CTNND2: variants seen among roughly 807,000 people sequenced by gnomAD.
CTNND2 encodes the protein catenin delta 2.
Under a neutral mutation model 144.4 loss-of-function variants are expected in CTNND2, and 22 were observed. The observed-to-expected ratio is 0.15, with a 90% CI of 0.11 to 0.22. The LOEUF (loss-of-function observed/expected upper bound fraction) is 0.22, where lower values mean the gene tolerates loss of function less well. Ranked by LOEUF, CTNND2 falls within the 10% of genes least tolerant of loss-of-function variation. The pLI is 1.00. For missense variants in CTNND2, 1,353 were observed against 1,618.8 expected (o/e 0.84, Z 2.82); for synonymous variants, 751 against 695.6 (o/e 1.08, Z -1.25).
chr5:11,623,585 C>T (rs999090296), intron 2 of CTNND2, among the ~76,000 whole-genome samples: 1 of 151,486 alleles, frequency 6.6e-6, no homozygotes, highest in African/African-American at 2.4e-5. Context: ...GACTAATACA[C>T]CCATCTCACA....
At chr5:11,563,332 A>AT (rs1212240459) in intron 3 of CTNND2, among the ~76,000 whole-genome samples, 1 of 152,268 alleles carries the variant, frequency 6.6e-6, no homozygotes, top group Non-Finnish European at 1.5e-5. Flanking sequence ...AATGGTGCAT[A>AT]TGGACCTATA....
At chr5:11,873,527 G>A (rs900099303) in intron 1 of CTNND2, among the ~76,000 whole-genome samples, 5 of 152,122 alleles carry the variant, frequency 3.3e-5, no homozygotes, top group African/African-American at 1.2e-4. Flanking sequence ...TTTATTGACC[G>A]TCTGTGAGTT....
chr5:11,866,256 TTTTG>T, intron 1 of CTNND2, among the ~76,000 whole-genome samples: 1 of 152,186 alleles, frequency 6.6e-6, no homozygotes, highest in South Asian at 2.1e-4. Flanking sequence ...TGAGCTATGA[TTTTG>T]CCACTGCACT....
intron 3 of CTNND2, among the ~76,000 whole-genome samples, chr5:11,446,263 G>A (rs527566577): frequency 2.6e-5 from 4 of 152,122 alleles, no homozygotes; most frequent in Admixed American, 6.5e-5. Context: ...GTGAGTCACC[G>A]TGCCCAGTAC....
chr5:11,672,142 C>CAGCAAAGA (rs1323228985), intron 2 of CTNND2, among the ~76,000 whole-genome samples: 1 of 152,200 alleles, frequency 6.6e-6, no homozygotes. Context: ...CTGCCTGTTC[C>CAGCAAAGA]TCCCTCTGGA....
intron 9 of CTNND2, among the ~76,000 whole-genome samples, chr5:11,272,978 A>C (rs945740189): frequency 2.0e-5 from 3 of 152,138 alleles, no homozygotes; most frequent in African/African-American, 7.2e-5. Flanking sequence ...GGGAACACTA[A>C]CTTTGAAGAC....
chr5:11,165,749 T>C (rs1294117183), intron 11 of CTNND2, among the ~76,000 whole-genome samples: 4 of 152,230 alleles, frequency 2.6e-5, no homozygotes, highest in Non-Finnish European at 5.9e-5. Flanking sequence ...TCCATATTCA[T>C]GAGCAATGAT....
intron 16 of CTNND2, among the ~76,000 whole-genome samples, chr5:11,052,038 C>T (rs141498627): frequency 1.5e-4 from 23 of 152,176 alleles, no homozygotes; most frequent in Admixed American, 1.3e-3. Flanking sequence ...TCAAGCGGGC[C>T]GGGGCTTGGT....
intron 3 of CTNND2, among the ~76,000 whole-genome samples, chr5:11,469,453 A>G (rs1296887096): frequency 6.6e-6 from 1 of 152,198 alleles, no homozygotes; most frequent in Non-Finnish European, 1.5e-5. Flanking sequence ...TTCAGCACAG[A>G]AAGGCATAAC....
At chr5:11,178,477 G>A (rs1359264997) in intron 11 of CTNND2, among the ~76,000 whole-genome samples, 1 of 152,168 alleles carries the variant, frequency 6.6e-6, no homozygotes, top group Non-Finnish European at 1.5e-5. Context: ...TACTCTTAAG[G>A]AGCTTATAGG....
intron 2 of CTNND2, among the ~76,000 whole-genome samples, chr5:11,572,326 C>T (rs991823304): frequency 4.6e-5 from 7 of 152,158 alleles, no homozygotes; most frequent in African/African-American, 1.7e-4. Flanking sequence ...AAGTCCCATA[C>T]TTCAGGTTTC....
rs370675620 is a variant in CTNND2 at position 11,672,498 on chromosome 5, G to C, written c.174+59638C>G. On this transcript the variant is annotated intron_variant, in intron 2 of 21. Transcript: ENST00000304623. ...GCCTTGCCCAGCAAGGAGAAATCTA[G>C]ACATGTGGTTCACCTTGCTGAGCTA... Among the ~76,000 whole-genome samples, 15 of 152,274 alleles carry C rather than the reference G, an allele frequency of 9.9e-5. No homozygotes were observed. In the East Asian group the frequency reaches 2.3e-3, roughly 24 times the overall value.
chr5:11,072,253 C>T (rs1298061526), intron 16 of CTNND2, among the ~76,000 whole-genome samples: 1 of 152,182 alleles, frequency 6.6e-6, no homozygotes, highest in Admixed American at 6.5e-5. Flanking sequence ...CTTAGTGAGC[C>T]TTAATTGAAA....
At position 11,679,066 on chromosome 5, in the gene CTNND2, G is replaced by A. The variant is rs540606664; in HGVS notation, c.174+53070C>T. ...ACTTTTGTTTTTCAGCATCCCTTTC[G>A]TTCTCATGGGGGACTCTGACTGGCC... On this transcript the variant is annotated intron_variant, in intron 2 of 21. Coordinates refer to ENST00000304623, the MANE Select transcript of CTNND2 (RefSeq NM_001332.4). Among the ~76,000 whole-genome samples, 143 of 151,912 alleles carry A rather than the reference G, an allele frequency of 9.4e-4. 1 individual carries two copies. Among genetic ancestry groups the A allele is most frequent in the Non-Finnish European group, 1.7e-3 (114 of 67,996 alleles).
At chr5:11,117,843 G>C (rs1456752800) in intron 12 of CTNND2, among the ~76,000 whole-genome samples, 1 of 152,184 alleles carries the variant, frequency 6.6e-6, no homozygotes, top group Non-Finnish European at 1.5e-5. Flanking sequence ...GAGGGTGGGG[G>C]ACCTTCAGAA....
intron 16 of CTNND2, among the ~76,000 whole-genome samples, chr5:11,028,305 C>A (rs1252451026): frequency 2.0e-5 from 3 of 152,168 alleles, no homozygotes; most frequent in Non-Finnish European, 2.9e-5. Context: ...CCTGTTTCTG[C>A]AGCTGCTAAA....
At chr5:11,519,460 A>T (rs1429426819) in intron 3 of CTNND2, among the ~76,000 whole-genome samples, 2 of 150,308 alleles carry the variant, frequency 1.3e-5, no homozygotes, top group Non-Finnish European at 3.0e-5. Context: ...ATTCCCAGCC[A>T]CTGTGACTTA....
chr5:11,061,215 T>C (rs1262678530), intron 16 of CTNND2, among the ~76,000 whole-genome samples: 1 of 152,176 alleles, frequency 6.6e-6, no homozygotes, highest in African/African-American at 2.4e-5. Flanking sequence ...TTTCTACCCC[T>C]GTGCTACAAC....
At chr5:11,753,173 T>C (rs371193555) in intron 1 of CTNND2, among the ~76,000 whole-genome samples, 2 of 151,774 alleles carry the variant, frequency 1.3e-5, no homozygotes, top group African/African-American at 4.8e-5. Context: ...CTTTTATTTC[T>C]CCTTCCTGAT....
Sources: allele counts gnomAD v4.1 joint callset (sites outside exome capture counted in the v4.1 genomes callset), GRCh38; gene constraint gnomAD v4.1.1; transcripts MANE v1.5; gene names NCBI Gene and HGNC (gene_info 2026-07-23, HGNC 2026-07-21).